NCOA7: variants seen among roughly 807,000 people sequenced by gnomAD.
The protein encoded by NCOA7 is nuclear receptor coactivator 7.
A neutral mutation model predicts 104.3 loss-of-function variants in NCOA7; 45 were observed. The ratio of observed to expected loss-of-function variants is 0.43; its 90% CI spans 0.34 to 0.55. NCOA7 has a LOEUF of 0.55. Ranked by LOEUF, NCOA7 falls within the 20% of genes least tolerant of loss-of-function variation. NCOA7 has a pLI of 0.02. For missense variants in NCOA7, 1,041 were observed against 1,119.7 expected (o/e 0.93, Z 1.00); for synonymous variants, 398 against 402.3 (o/e 0.99, Z 0.13).
chr6:125,823,681 G>A (rs539766890), intron 2 of NCOA7, among the ~76,000 whole-genome samples: 2 of 152,254 alleles, frequency 1.3e-5, no homozygotes, highest in African/African-American at 2.4e-5. Context: ...TAAACATTTA[G>A]CCATTAATAG....
chr6:125,869,607 CAAGGGACCTTAA>C (rs1248323136), intron 3 of NCOA7, among the ~76,000 whole-genome samples: 1 of 152,222 alleles, frequency 6.6e-6, no homozygotes, highest in East Asian at 1.9e-4. Context: ...AGTGCAATCA[CAAGGGACCTTAA>C]AAGTGAAAGA....
At chr6:125,899,629 T>G (rs1785319135) in intron 10 of NCOA7, among the ~76,000 whole-genome samples, 1 of 152,238 alleles carries the variant, frequency 6.6e-6, no homozygotes, top group African/African-American at 2.4e-5. Context: ...GTCTTCCTAT[T>G]TAGTATGAAT....
chr6:125,927,740 A>C lies in NCOA7; in HGVS notation c.2601A>C (p.Thr867=). Residue 867 remains threonine, a synonymous_variant, in exon 14 of 16, where the codon ACA becomes ACC. Transcript: ENST00000392477. Reference sequence around the variant, plus strand: ...GCACAGGCGAAACTTTTCTCTACACATTCAGCCCTCATTTTAAGGTACCTA... The same window carrying C: ...GCACAGGCGAAACTTTTCTCTACACCTTCAGCCCTCATTTTAAGGTACCTA... ...YYGTGETFLY[T]FSPHFKVFKW... The C allele has an allele frequency of 6.2e-7, 1 of 1,610,822 alleles. No homozygotes were observed. Among genetic ancestry groups the C allele is most frequent in the South Asian group, 1.1e-5 (1 of 91,014 alleles).
chr6:125,883,057 G>C (rs2875878), intron 7 of NCOA7, among the ~76,000 whole-genome samples: 108,948 of 152,144 alleles, frequency 0.72, 39,392 homozygotes, highest in East Asian at 0.82. Flanking sequence ...AAGCTCTCAA[G>C]CTGTGTTTGC....
In NCOA7 at chr6:125,891,174, G is replaced by A. The variant is rs568494065; in HGVS notation, c.2096+364G>A. Among the ~76,000 whole-genome samples, 4 of 152,302 alleles carry A rather than the reference G, an allele frequency of 2.6e-5. 1 individual carries two copies. Among genetic ancestry groups the A allele is most frequent in the African/African-American group, 9.6e-5 (4 of 41,560 alleles). ...AACACCTCTTAAGTGCAAGAAAGAG[G>A]CAGGATTATAATTTTCAAAGTGCTT... On this transcript the variant is annotated intron_variant, in intron 10 of 15. Coordinates refer to ENST00000392477, the MANE Select transcript of NCOA7 (RefSeq NM_181782.5).
At chr6:125,782,069 A>T (rs1461691674) in intron 1 of NCOA7, among the ~76,000 whole-genome samples, 2 of 152,122 alleles carry the variant, frequency 1.3e-5, no homozygotes, top group Non-Finnish European at 2.9e-5. Flanking sequence ...CTTAGTATTT[A>T]AAAAAAAGAA....
Position 125,820,297 on chromosome 6 carries a change from G to A in NCOA7, c.50+4893G>A, listed in dbSNP as rs138796835. Reference sequence around the variant, plus strand: ...ACAAGCAGAACACCTAGTGTTTGCAGTTCACTCCAGTGTATAACCTCTGGC... The same window carrying A: ...ACAAGCAGAACACCTAGTGTTTGCAATTCACTCCAGTGTATAACCTCTGGC... On this transcript the variant is annotated intron_variant, in intron 2 of 15. Coordinates refer to ENST00000392477, the MANE Select transcript of NCOA7 (RefSeq NM_181782.5). 2.8e-4 allele frequency among the ~76,000 whole-genome samples: 43 copies of A among 152,320 alleles called. No homozygotes were observed. In the East Asian group the frequency reaches 7.9e-3, roughly 28 times the overall value.
At chr6:125,870,233 G>C (rs1428922606) in intron 3 of NCOA7, among the ~76,000 whole-genome samples, 1 of 152,048 alleles carries the variant, frequency 6.6e-6, no homozygotes, top group East Asian at 1.9e-4. Context: ...TACTCCCTCA[G>C]TCCTGTCTTT....
intron 8 of NCOA7, among the ~76,000 whole-genome samples, chr6:125,886,625 C>T (rs1784283050): frequency 6.6e-6 from 1 of 152,100 alleles, no homozygotes; most frequent in Non-Finnish European, 1.5e-5. Flanking sequence ...ACATTGATTC[C>T]TGCCTTGGAT....
chr6:125,798,495 C>T (rs1775554966), intron 1 of NCOA7, among the ~76,000 whole-genome samples: 1 of 152,054 alleles, frequency 6.6e-6, no homozygotes, highest in Non-Finnish European at 1.5e-5. Flanking sequence ...AAGGGTGTTA[C>T]TGTAAAAATT....
intron 3 of NCOA7, among the ~76,000 whole-genome samples, chr6:125,869,928 C>T (rs886551695): frequency 7.9e-5 from 12 of 152,198 alleles, no homozygotes; most frequent in African/African-American, 2.2e-4. Context: ...TGCTTTATTT[C>T]GAACCACAAA....
At chr6:125,809,764 C>T (rs1016619585) in intron 1 of NCOA7, among the ~76,000 whole-genome samples, 3 of 152,164 alleles carry the variant, frequency 2.0e-5, no homozygotes, top group Non-Finnish European at 4.4e-5. Flanking sequence ...ATGTGTACTC[C>T]TGACATCATT....
At chr6:125,915,608 A>G in intron 11 of NCOA7, 128 bp downstream of exon 11, 1 of 1,144,786 alleles carries the variant, frequency 8.7e-7, no homozygotes, top group East Asian at 2.5e-5. Flanking sequence ...TACAGAGGAA[A>G]ATAACTTTAT....
At chr6:125,926,777 C>A (rs997866514) in intron 13 of NCOA7, among the ~76,000 whole-genome samples, 2 of 152,090 alleles carry the variant, frequency 1.3e-5, no homozygotes, top group African/African-American at 4.8e-5. Context: ...TGACATTTTC[C>A]AGATAACCTA....
chr6:125,785,806 T>A (rs558684087), intron 1 of NCOA7, among the ~76,000 whole-genome samples: 1 of 152,348 alleles, frequency 6.6e-6, no homozygotes, highest in South Asian at 2.1e-4. Flanking sequence ...GAAAAATTTA[T>A]TGGGCTAACT....
Position 125,920,979 on chromosome 6 carries a change from A to G in NCOA7, c.2281A>G (p.Thr761Ala). Residue 761 changes from threonine to alanine, a missense_variant, in exon 12 of 16, where the codon ACA becomes GCA. Thr to Ala is a moderately conservative substitution (Grantham distance 58). This residue lies in a region of NCOA7 where 914 missense variants were observed against 942.7 expected (regional missense o/e 0.97). Coordinates refer to ENST00000392477, the MANE Select transcript of NCOA7 (RefSeq NM_181782.5). ...TGAAGAGGCAAAGCGCAGGAAGAGC[A>G]CATGCAGCTACTATGAAGACGAGGA... ...TVEEAKRRKSTCSYYEDEDEE... is the reference protein window; with the variant it reads ...TVEEAKRRKSACSYYEDEDEE... 3.7e-6 allele frequency: 6 copies of G among 1,613,846 alleles called. No homozygotes were observed. The highest frequency in any genetic ancestry group is 5.1e-6 in the Non-Finnish European group (6 of 1,179,798).
chr6:125,894,318 C>T (rs1404045178), intron 10 of NCOA7, among the ~76,000 whole-genome samples: 6 of 152,064 alleles, frequency 3.9e-5, no homozygotes, highest in Non-Finnish European at 7.3e-5. Flanking sequence ...ACATTGAGAA[C>T]CACTGGTCGC....
At chr6:125,910,593 GAGAT>G (rs1786448455) in intron 10 of NCOA7, among the ~76,000 whole-genome samples, 1 of 152,224 alleles carries the variant, frequency 6.6e-6, no homozygotes, top group Admixed American at 6.5e-5. Flanking sequence ...TGAAGAGAGA[GAGAT>G]AGCTGGTGGG....
upstream of NCOA7, among the ~76,000 whole-genome samples, chr6:125,786,525 C>T (rs1774469367): frequency 6.6e-6 from 1 of 151,304 alleles, no homozygotes; most frequent in Non-Finnish European, 1.5e-5. Context: ...TTCCTATAAT[C>T]AAGTAATTCT....
Sources: allele counts gnomAD v4.1 joint callset (sites outside exome capture counted in the v4.1 genomes callset), GRCh38; gene constraint gnomAD v4.1.1; regional missense constraint gnomAD v4.1.1; transcripts MANE v1.5; gene names NCBI Gene and HGNC (gene_info 2026-07-23, HGNC 2026-07-21).